The following EGFLAM variants were observed in gnomAD, a reference collection of about 807,000 sequenced individuals.
EGFLAM encodes the protein EGF like, fibronectin type III and laminin G domains.
In EGFLAM, 79 loss-of-function variants were observed where a neutral mutation model predicts 113.1. The observed-to-expected ratio is 0.70, with a 90% confidence interval of 0.58 to 0.84. The LOEUF is 0.84. EGFLAM is among the 40% of genes least tolerant of loss of function. The pLI is 0.00. For synonymous variants in EGFLAM, 504 were observed against 487.6 expected, an observed-to-expected ratio of 1.03 and a Z score of -0.44; for missense variants, 1,265 against 1,291.6, an observed-to-expected ratio of 0.98 and a Z score of 0.32.
At chr5:38,375,488 C>T (rs962557760) in intron 6 of EGFLAM, among the ~76,000 whole-genome samples, 1 of 152,152 alleles carries the variant, frequency 6.6e-6, no homozygotes, top group Non-Finnish European at 1.5e-5. Context: ...CAGTGGGAAC[C>T]TTGAGATCCC....
chr5:38,362,852 C>A (rs1264587313), intron 5 of EGFLAM, among the ~76,000 whole-genome samples: 2 of 152,216 alleles, frequency 1.3e-5, no homozygotes, highest in African/African-American at 4.8e-5. Flanking sequence ...TCCCGTAAAG[C>A]TTCAATTCCT....
rs747475392 is a variant in EGFLAM at position 38,418,163 on chromosome 5, T to C, written c.1592T>C (p.Phe531Ser). Residue 531 changes from phenylalanine to serine, a missense_variant, in exon 12 of 22, where the codon TTT becomes TCT. Coordinates refer to ENST00000322350, the MANE Select transcript of EGFLAM (RefSeq NM_152403.4). The stretch of plus-strand genomic sequence containing the variant: ...AGAGCAACAGGGACAAACCGAGGCT[T>C]TCAAGGCTGTGTGCAGTCGCTCGCT... ...LVRATGTNRG[F>S]QGCVQSLAVN... 2 of 1,614,200 alleles carry C rather than the reference T, an allele frequency of 1.2e-6. No individual in the cohort carries two copies. Among genetic ancestry groups the C allele is most frequent in the East Asian group, 4.5e-5 (2 of 44,874 alleles).
At chr5:38,426,976 G>T (rs761229442) in intron 13 of EGFLAM, 33 bp from the exon 14 acceptor site, 1 of 1,609,968 alleles carries the variant, frequency 6.2e-7, no homozygotes, top group Non-Finnish European at 8.5e-7. Context: ...TTCTGCCACA[G>T]AGGGATTTCT....
intron 6 of EGFLAM, among the ~76,000 whole-genome samples, chr5:38,401,489 C>A (rs986277764): frequency 2.6e-5 from 4 of 152,118 alleles, no homozygotes; most frequent in Non-Finnish European, 4.4e-5. Flanking sequence ...CAAGATTGGG[C>A]TGGATGGTGT....
chr5:38,282,783 G>A (rs1027188899), intron 1 of EGFLAM, among the ~76,000 whole-genome samples: 1 of 152,138 alleles, frequency 6.6e-6, no homozygotes, highest in African/African-American at 2.4e-5. Context: ...AATATATTAG[G>A]AAACTCCAAA....
At chr5:38,274,420 G>C (rs1310573356) in intron 1 of EGFLAM, among the ~76,000 whole-genome samples, 1 of 152,096 alleles carries the variant, frequency 6.6e-6, no homozygotes, top group Non-Finnish European at 1.5e-5. Flanking sequence ...AACTGTCAAA[G>C]ATCAAAGACA....
chr5:38,283,668 G>A (rs1326284806), intron 1 of EGFLAM, among the ~76,000 whole-genome samples: 4 of 152,156 alleles, frequency 2.6e-5, no homozygotes, highest in Non-Finnish European at 4.4e-5. Flanking sequence ...GAGGACCCAA[G>A]TCTTCTGACC....
At chr5:38,431,734 T>A (rs891250517) in intron 15 of EGFLAM, among the ~76,000 whole-genome samples, 1 of 152,240 alleles carries the variant, frequency 6.6e-6, no homozygotes, top group Non-Finnish European at 1.5e-5. Context: ...TGTGAGCTCA[T>A]ACTGGTTACT....
At chr5:38,387,986 G>C (rs1219829724) in intron 6 of EGFLAM, among the ~76,000 whole-genome samples, 1 of 152,104 alleles carries the variant, frequency 6.6e-6, no homozygotes, top group Non-Finnish European at 1.5e-5. Flanking sequence ...ACACTGATGG[G>C]ACCCTCCCCA....
intron 8 of EGFLAM, among the ~76,000 whole-genome samples, chr5:38,407,401 T>C (rs1741325214): frequency 6.6e-6 from 1 of 152,226 alleles, no homozygotes. Context: ...ATCATCCTGA[T>C]ACTATCTTAG....
In EGFLAM at chr5:38,350,579, C is replaced by A; in HGVS notation, c.370C>A (p.Arg124=). 6.2e-7 allele frequency: 1 copy of A among 1,613,982 alleles called. No homozygotes were observed. Among genetic ancestry groups the A allele is most frequent in the Non-Finnish European group, 8.5e-7 (1 of 1,179,934 alleles). The change falls in exon 4 of 22, where the codon CGG becomes AGG. Residue 124 remains arginine, a synonymous_variant. Coordinates refer to ENST00000322350, the MANE Select transcript of EGFLAM (RefSeq NM_152403.4). ...AGCTTACAGCCAGGCTGGCAAAGGG[C>A]GGCTGAGCTCTCCTCGGCATGTCAC... is the stretch of plus-strand genomic sequence containing the variant. The part of the protein sequence containing the change: ...IAAYSQAGKG[R]LSSPRHVTTL...
At chr5:38,354,649 G>C (rs1345399109) in intron 5 of EGFLAM, among the ~76,000 whole-genome samples, 1 of 152,118 alleles carries the variant, frequency 6.6e-6, no homozygotes, top group East Asian at 1.9e-4. Context: ...AGAATTGCTT[G>C]AACCTGGGAG....
chr5:38,284,155 T>G (rs1758093655), intron 1 of EGFLAM: 1 of 152,250 alleles, frequency 6.6e-6, no homozygotes, highest in South Asian at 2.1e-4. Flanking sequence ...GTCAGTGGCT[T>G]AGTTAATCAC....
chr5:38,385,149 T>C (rs1740622498), intron 6 of EGFLAM, among the ~76,000 whole-genome samples: 1 of 152,042 alleles, frequency 6.6e-6, no homozygotes, highest in South Asian at 2.1e-4. Flanking sequence ...AAACAACTAT[T>C]TATCAAACTT....
chr5:38,439,797 T>A (rs1742474492), intron 17 of EGFLAM, among the ~76,000 whole-genome samples: 2 of 152,336 alleles, frequency 1.3e-5, no homozygotes, highest in Middle Eastern at 3.4e-3. Context: ...GGCTCATTCA[T>A]TCAGAAAATT....
intron 19 of EGFLAM, among the ~76,000 whole-genome samples, chr5:38,453,403 A>C (rs1445866964): frequency 1.3e-5 from 2 of 152,356 alleles, no homozygotes; most frequent in Admixed American, 1.3e-4. Context: ...TGACAGCCCA[A>C]GTAGGATAAC....
rs1006161285 is a variant in EGFLAM, at chr5:38,384,434, C to A, written c.712+13972C>A. On this transcript the variant is annotated intron_variant, in intron 6 of 21. Transcript: ENST00000322350. ...CATTCTCACCCATATTCTGTTGGTT[C>A]CTCTTGAGAGCAGTGTGAGTGTTGC... Among the ~76,000 whole-genome samples, 7 of 152,132 alleles carry A rather than the reference C, an allele frequency of 4.6e-5. 1 individual carries two copies. The East Asian group carries it at 1.4e-3, about 29-fold the overall frequency.
intron 1 of EGFLAM, among the ~76,000 whole-genome samples, chr5:38,308,129 A>T (rs1378129640): frequency 6.6e-6 from 1 of 152,234 alleles, no homozygotes; most frequent in East Asian, 1.9e-4. Flanking sequence ...CTTTTTAAAT[A>T]GTCCCTTTCA....
chr5:38,267,569 A>G (rs535238984), intron 1 of EGFLAM, among the ~76,000 whole-genome samples: 4 of 152,002 alleles, frequency 2.6e-5, no homozygotes, highest in Non-Finnish European at 5.9e-5. Context: ...TTTATTTTTT[A>G]AGTACTTCAA....
Sources: allele counts gnomAD v4.1 joint callset (sites outside exome capture counted in the v4.1 genomes callset), GRCh38; gene constraint gnomAD v4.1.1; transcripts MANE v1.5; gene names NCBI Gene and HGNC (gene_info 2026-07-23, HGNC 2026-07-21).